NARS2: variants seen among roughly 807,000 people sequenced by gnomAD.
NARS2 encodes the protein asparaginyl-tRNA synthetase.
A neutral mutation model predicts 62.9 loss-of-function variants in NARS2; 60 were observed. The ratio of observed to expected loss-of-function variants is 0.95; its 90% CI spans 0.77 to 1.18. The LOEUF (loss-of-function observed/expected upper bound fraction) is 1.18, where lower values mean the gene tolerates loss of function less well. Ranked by LOEUF, NARS2 falls within the 50% of genes most tolerant of loss-of-function variation. NARS2 has a pLI of 0.00. For synonymous variants in NARS2, 196 were observed against 200.0 expected (o/e 0.98, Z 0.17); for missense variants, 619 against 576.4 (o/e 1.07, Z -0.76).
rs954395092 is a variant in NARS2, at chr11:78,469,933, C to G, written c.960-620G>C. ...AAGGCCTAAGTTTGTGACATTTGAA[C>G]AGAAGCGTGCACCGAGTAAGGAAAT... On this transcript the variant is annotated intron_variant, in intron 9 of 13. Coordinates refer to ENST00000281038, the MANE Select transcript of NARS2 (RefSeq NM_024678.6). 2.6e-5 allele frequency among the ~76,000 whole-genome samples: 4 copies of G among 152,154 alleles called. No individual in the cohort carries two copies. The South Asian group carries it at 8.3e-4, about 32-fold the overall frequency.
chr11:78,506,786 G>C (rs1204888355), intron 6 of NARS2, among the ~76,000 whole-genome samples: 3 of 152,208 alleles, frequency 2.0e-5, no homozygotes, highest in Non-Finnish European at 4.4e-5. Context: ...CGATCCACCT[G>C]CCTCAGCCTC....
chr11:78,563,413 T>C (rs928708569), intron 4 of NARS2, among the ~76,000 whole-genome samples: 4 of 151,828 alleles, frequency 2.6e-5, no homozygotes, highest in Non-Finnish European at 5.9e-5. Context: ...ACACGGGGTA[T>C]CACCATGTTG....
At chr11:78,456,619 C>T (rs964938168) in intron 11 of NARS2, among the ~76,000 whole-genome samples, 3 of 152,146 alleles carry the variant, frequency 2.0e-5, no homozygotes, top group Admixed American at 2.0e-4. Context: ...TACTGAATGC[C>T]CACTAATGCT....
intron 7 of NARS2, among the ~76,000 whole-genome samples, chr11:78,488,520 A>T (rs922212372): frequency 6.6e-6 from 1 of 152,200 alleles, no homozygotes; most frequent in Non-Finnish European, 1.5e-5. Flanking sequence ...ACCTTTTAGC[A>T]GTGTTGGATT....
chr11:78,491,982 T>TAAGATAGTAA (rs1859838459), intron 7 of NARS2, among the ~76,000 whole-genome samples: 1 of 151,904 alleles, frequency 6.6e-6, no homozygotes, highest in African/African-American at 2.4e-5. Context: ...TAATTACAAA[T>TAAGATAGTAA]CCAAACTAAG....
chr11:78,498,619 C>T (rs1478526499), intron 6 of NARS2, among the ~76,000 whole-genome samples: 2 of 151,626 alleles, frequency 1.3e-5, no homozygotes, highest in Admixed American at 6.6e-5. Flanking sequence ...CCAGCTTCCA[C>T]TTTGATTTCA....
intron 9 of NARS2, among the ~76,000 whole-genome samples, chr11:78,475,580 CTTTTTTTTTT>C (rs377023107): frequency 0.012 from 1,123 of 93,996 alleles, 13 homozygotes; most frequent in African/African-American, 0.045. Context: ...TATCATTTGA[CTTTTTTTTTT>C]TTTTTTTTTT....
intron 13 of NARS2, among the ~76,000 whole-genome samples, chr11:78,437,701 G>A (rs1591112773): frequency 6.6e-6 from 1 of 152,132 alleles, no homozygotes; most frequent in Non-Finnish European, 1.5e-5. Context: ...TATCGGCCGG[G>A]TGTGGTGGCT....
Position 78,486,179 on chromosome 11 carries a change from A to AT in NARS2, c.822+6883dup, listed in dbSNP as rs1018279322. ...AGTGAGCCACTGCACCCAGCCTATT[A>AT]TTTTTTTTTAAATATTTTCTCTTGT... On this transcript the variant is annotated intron_variant, in intron 7 of 13. Transcript: ENST00000281038. Among the ~76,000 whole-genome samples the AT allele has an allele frequency of 4.4e-4, 66 of 151,496 alleles. 2 individuals are homozygous for AT. The Middle Eastern group carries it at 0.014, about 31-fold the overall frequency.
At chr11:78,520,768 A>C (rs1228661580) in intron 6 of NARS2, among the ~76,000 whole-genome samples, 1 of 152,176 alleles carries the variant, frequency 6.6e-6, no homozygotes, top group Non-Finnish European at 1.5e-5. Flanking sequence ...AAATAGTAAG[A>C]AAATAGGCCT....
At chr11:78,545,391 C>T (rs971350693) in intron 5 of NARS2, among the ~76,000 whole-genome samples, 1 of 152,152 alleles carries the variant, frequency 6.6e-6, no homozygotes, top group Non-Finnish European at 1.5e-5. Flanking sequence ...TCCATACCTG[C>T]CTTCATGATT....
chr11:78,563,757 G>A (rs1210053676), intron 4 of NARS2, among the ~76,000 whole-genome samples: 10 of 139,780 alleles, frequency 7.2e-5, no homozygotes, highest in African/African-American at 2.4e-4. Context: ...CTTGAACCCA[G>A]GAGGCGGAGG....
At chr11:78,566,300 G>A (rs549657404) in intron 3 of NARS2, 28 bp from the exon 4 acceptor site, 1 of 1,547,384 alleles carries the variant, frequency 6.5e-7, no homozygotes, top group East Asian at 2.3e-5. Context: ...GAACAAATTA[G>A]AAGTCAAAAG....
chr11:78,451,002 A>C (rs1276608816), intron 11 of NARS2, among the ~76,000 whole-genome samples: 1 of 151,982 alleles, frequency 6.6e-6, no homozygotes, highest in African/African-American at 2.4e-5. Flanking sequence ...TTCTTCCTCC[A>C]TGTAACATTC....
At chr11:78,483,336 G>A (rs958761501) in intron 7 of NARS2, among the ~76,000 whole-genome samples, 1 of 152,168 alleles carries the variant, frequency 6.6e-6, no homozygotes, top group Non-Finnish European at 1.5e-5. Flanking sequence ...CACAAGACAA[G>A]GATGCCCTCT....
intron 7 of NARS2, among the ~76,000 whole-genome samples, chr11:78,481,522 G>A (rs1859354363): frequency 6.6e-6 from 1 of 152,090 alleles, no homozygotes; most frequent in South Asian, 2.1e-4. Flanking sequence ...TTGACCACTG[G>A]GGTTGTTAAA....
intron 4 of NARS2, among the ~76,000 whole-genome samples, chr11:78,563,844 A>C (rs1209913635): frequency 7.6e-5 from 5 of 66,096 alleles, no homozygotes; most frequent in African/African-American, 3.7e-4. Flanking sequence ...AAAAAAAAAA[A>C]AAAAAAAATA....
intron 6 of NARS2, among the ~76,000 whole-genome samples, chr11:78,509,548 C>A (rs1280336037): frequency 6.6e-6 from 1 of 151,776 alleles, no homozygotes; most frequent in Non-Finnish European, 1.5e-5. Flanking sequence ...TAAAAAAAAA[C>A]CTAAAACTAG....
At chr11:78,455,855 G>C (rs1290152793) in intron 11 of NARS2, among the ~76,000 whole-genome samples, 1 of 151,618 alleles carries the variant, frequency 6.6e-6, no homozygotes, top group Non-Finnish European at 1.5e-5. Context: ...CTGTAAGAAA[G>C]GGATAAAAGT....
Sources: allele counts gnomAD v4.1 joint callset (sites outside exome capture counted in the v4.1 genomes callset), GRCh38; gene constraint gnomAD v4.1.1; transcripts MANE v1.5; gene names NCBI Gene and HGNC (gene_info 2026-07-23, HGNC 2026-07-21).